Variants in PRRC2B observed in about 807,000 individuals in gnomAD.
The protein encoded by PRRC2B is proline rich coiled-coil 2B.
A neutral mutation model predicts 242.3 loss-of-function variants in PRRC2B; 68 were observed. The ratio of observed to expected loss-of-function variants is 0.28; its 90% CI spans 0.23 to 0.34. The LOEUF is 0.34. Among genes scored for constraint, PRRC2B ranks in the 10% least tolerant of loss-of-function variants. PRRC2B has a pLI of 1.00. For missense variants in PRRC2B, 2,835 were observed against 2,954.8 expected (o/e 0.96, Z 0.94); for synonymous variants, 1,228 against 1,173.6 (o/e 1.05, Z -0.95).
intron 29 of PRRC2B, among the ~76,000 whole-genome samples, 194 bp from the exon 30 acceptor site, chr9:131,491,975 A>C (rs1306199959): frequency 6.6e-6 from 1 of 152,244 alleles, no homozygotes; most frequent in East Asian, 1.9e-4. Context: ...CCCGGGCTGC[A>C]GAGCTGTACT....
chr9:131,414,829 C>T (rs1268927848), intron 1 of PRRC2B, among the ~76,000 whole-genome samples: 1 of 152,044 alleles, frequency 6.6e-6, no homozygotes, highest in African/African-American at 2.4e-5. Context: ...CTTGGCCTCC[C>T]AAAGTGCTGG....
At chr9:131,457,944 G>A (rs182855901) in intron 10 of PRRC2B, among the ~76,000 whole-genome samples, 47 of 152,170 alleles carry the variant, frequency 3.1e-4, no homozygotes, top group Admixed American at 2.8e-3. Context: ...AGACACACAG[G>A]CCCACACATC....
chr9:131,491,046 G>A, intron 28 of PRRC2B: 1 of 234,410 alleles, frequency 4.3e-6, no homozygotes, highest in Non-Finnish European at 8.4e-6. Flanking sequence ...CGCTTCCTTG[G>A]CACCTTGTAT....
rs1286993645 is a variant in PRRC2B, at chr9:131,495,991, TGA to T, written c.*122_*123del. The T allele has an allele frequency of 2.1e-5, 29 of 1,383,874 alleles. No homozygotes were observed. Among genetic ancestry groups the T allele is most frequent in the Non-Finnish European group, 2.3e-5 (24 of 1,023,136 alleles). The allele number at this position is 1,383,874 out of a possible 1,614,324, so 85.7% of individuals were successfully genotyped here. ...CACCGTCCAAATGCGTGGCCCAGAC[TGA>T]GAGACCTCCCTCCTCTCCACTCCCG... is the stretch of plus-strand genomic sequence containing the variant. On this transcript the variant is annotated 3_prime_UTR_variant, in exon 32 of 32. Coordinates refer to ENST00000683519, the MANE Select transcript of PRRC2B (RefSeq NM_013318.4).
chr9:131,435,717 T>C (rs1838340752), intron 3 of PRRC2B, among the ~76,000 whole-genome samples: 2 of 152,076 alleles, frequency 1.3e-5, no homozygotes, highest in Admixed American at 1.3e-4. Context: ...TTATGACCTG[T>C]CTAGTTGTGT....
intron 1 of PRRC2B, among the ~76,000 whole-genome samples, chr9:131,426,404 T>G (rs769340298): frequency 2.0e-5 from 3 of 151,746 alleles, no homozygotes; most frequent in Non-Finnish European, 4.4e-5. Flanking sequence ...TCATTCAATG[T>G]GAAATCTTGC....
intron 1 of PRRC2B, among the ~76,000 whole-genome samples, chr9:131,382,572 C>T (rs1836774599): frequency 6.6e-6 from 1 of 151,802 alleles, no homozygotes; most frequent in Non-Finnish European, 1.5e-5. Flanking sequence ...GCTTCTGGGT[C>T]TGTGCAAGGG....
At chr9:131,462,074 T>G (rs886801081) in intron 11 of PRRC2B, among the ~76,000 whole-genome samples, 2 of 152,098 alleles carry the variant, frequency 1.3e-5, no homozygotes, top group African/African-American at 4.8e-5. Context: ...TTTTCACCAG[T>G]CAAGAAGTAG....
intron 11 of PRRC2B, among the ~76,000 whole-genome samples, chr9:131,461,856 C>T (rs1416064694): frequency 1.3e-5 from 2 of 152,188 alleles, no homozygotes; most frequent in Non-Finnish European, 2.9e-5. Flanking sequence ...GGCTTCTATT[C>T]CACATTCTTA....
At chr9:131,425,320 G>A (rs922912356) in intron 1 of PRRC2B, among the ~76,000 whole-genome samples, 2 of 151,936 alleles carry the variant, frequency 1.3e-5, no homozygotes, top group African/African-American at 4.8e-5. Flanking sequence ...TGCCACTAGG[G>A]TATGGGGAAG....
intron 11 of PRRC2B, among the ~76,000 whole-genome samples, chr9:131,463,315 A>AT (rs1261413298): frequency 1.3e-5 from 2 of 152,196 alleles, no homozygotes; most frequent in Non-Finnish European, 2.9e-5. Context: ...TTTGTTGTAT[A>AT]TTTCTTTTAC....
chr9:131,409,911 T>C (rs1837463377), intron 1 of PRRC2B, among the ~76,000 whole-genome samples: 2 of 152,250 alleles, frequency 1.3e-5, no homozygotes, highest in South Asian at 4.1e-4. Flanking sequence ...TAGATTTTGG[T>C]TGCATTTGCA....
chr9:131,478,649 G>GCCCCCGGGGC, intron 18 of PRRC2B, 30 bp downstream of exon 18: 1 of 504,558 alleles, frequency 2.0e-6, no homozygotes. Flanking sequence ...GGGGCATGGG[G>GCCCCCGGGGC]CTGGAGGGCA....
chr9:131,447,213 C>T lies in PRRC2B; in HGVS notation c.977+7C>T. 2 of 1,613,928 alleles carry T rather than the reference C, an allele frequency of 1.2e-6. No individual in the cohort carries two copies. The highest frequency in any genetic ancestry group is 8.5e-7 in the Non-Finnish European group (1 of 1,179,854). ...AGATGAATGACCAAGACGGGTGAGT[C>T]CATTGCATTACAGTCACGTGTGTAG... On this transcript the variant is annotated splice_region_variant and intron_variant, in intron 8 of 31. Transcript: ENST00000683519.
At chr9:131,422,042 CT>C (rs753304086) in intron 1 of PRRC2B, among the ~76,000 whole-genome samples, 49 of 152,204 alleles carry the variant, frequency 3.2e-4, no homozygotes, top group Middle Eastern at 6.8e-3. Flanking sequence ...TCTTTTCTTT[CT>C]TTCTTTTTTT....
chr9:131,487,774 C>T lies in PRRC2B; in HGVS notation c.5985-82C>T. ...CCGGGGATCTGTGGTTTAGCAAGCT[C>T]TCCGGGGATCTCTGAAGGGTGGGAC... On this transcript the variant is annotated intron_variant, in intron 27 of 31. Transcript: ENST00000683519. The surrounding 1 kb of genome is among the most constrained non-coding windows in gnomAD (Gnocchi z 5.3). 1 of 1,534,550 alleles carries T rather than the reference C, an allele frequency of 6.5e-7. No homozygotes were observed. The highest frequency in any genetic ancestry group is 1.8e-5 in the Admixed American group (1 of 54,306).
upstream of PRRC2B, among the ~76,000 whole-genome samples, chr9:131,392,666 A>G (rs760805628): frequency 3.9e-5 from 6 of 152,164 alleles, no homozygotes; most frequent in Non-Finnish European, 7.4e-5. Flanking sequence ...TAATCCCAAC[A>G]CTTTGGGAGG....
intron 1 of PRRC2B, among the ~76,000 whole-genome samples, chr9:131,384,176 G>C (rs139606608): frequency 1.4e-5 from 2 of 141,252 alleles, no homozygotes; most frequent in African/African-American, 5.3e-5. Context: ...TGCAACCTCT[G>C]TCTGCCTCCC....
intron 23 of PRRC2B, among the ~76,000 whole-genome samples, chr9:131,484,116 C>T (rs968423922): frequency 1.9e-4 from 29 of 152,186 alleles, no homozygotes; most frequent in Non-Finnish European, 2.2e-4. Flanking sequence ...CGAGAGTCTG[C>T]GGTCTCTGTC....
Sources: gnomAD v4.1 joint callset for allele counts (sites outside exome capture counted in the v4.1 genomes callset) on GRCh38, gnomAD v4.1.1 for gene constraint, Gnocchi (gnomAD v3.1) non-coding constraint, MANE v1.5 for transcripts, NCBI Gene and HGNC (gene_info 2026-07-23, HGNC 2026-07-21) for gene names.